Variants in CFAP54 observed in about 807,000 individuals in gnomAD.
CFAP54 encodes the protein cilia and flagella associated protein 54.
In CFAP54, 290 loss-of-function variants were observed where a neutral mutation model predicts 370.4. The ratio of observed to expected loss-of-function variants is 0.78; its 90% CI spans 0.71 to 0.86. The LOEUF (loss-of-function observed/expected upper bound fraction) is 0.86, where lower values mean the gene tolerates loss of function less well. CFAP54 is among the 40% of genes least tolerant of loss of function. CFAP54 has a pLI of 0.00. For missense variants in CFAP54, 3,399 were observed against 3,528.7 expected, an observed-to-expected ratio of 0.96 and a Z score of 0.93; for synonymous variants, 1,206 against 1,236.5, an observed-to-expected ratio of 0.98 and a Z score of 0.52.
At chr12:96,616,706 A>G (rs1421311750) in intron 26 of CFAP54, among the ~76,000 whole-genome samples, 3 of 152,218 alleles carry the variant, frequency 2.0e-5, no homozygotes, top group Non-Finnish European at 4.4e-5. Flanking sequence ...TTGATAAAAT[A>G]ATCAAATTTA....
chr12:96,625,634 A>G, intron 28 of CFAP54, 84 bp from the exon 29 acceptor site: 1 of 749,536 alleles, frequency 1.3e-6, no homozygotes, highest in South Asian at 2.2e-5. Context: ...TCTCTTTTAA[A>G]GAATTGTTAT....
intron 8 of CFAP54, among the ~76,000 whole-genome samples, chr12:96,523,875 A>G (rs1279625665): frequency 6.6e-6 from 1 of 152,032 alleles, no homozygotes; most frequent in African/African-American, 2.4e-5. Context: ...ACTAATTTGT[A>G]TCTGATTTCC....
chr12:96,790,694 A>T (rs1467767753), intron 62 of CFAP54, among the ~76,000 whole-genome samples: 1 of 152,156 alleles, frequency 6.6e-6, no homozygotes, highest in African/African-American at 2.4e-5. Flanking sequence ...ACTGCCTGAC[A>T]TAAAATTATT....
chr12:96,514,222 T>G (rs529354788), intron 5 of CFAP54, among the ~76,000 whole-genome samples: 7 of 152,202 alleles, frequency 4.6e-5, no homozygotes, highest in East Asian at 3.8e-4. Context: ...TCAGGAGAGA[T>G]ATGTTTTTTC....
At chr12:96,838,536 G>A (rs1458669235) in intron 66 of CFAP54, among the ~76,000 whole-genome samples, 1 of 152,076 alleles carries the variant, frequency 6.6e-6, no homozygotes, top group Non-Finnish European at 1.5e-5. Context: ...TCTTACATGT[G>A]GCAGGAGAGA....
chr12:96,849,389 GC>G (rs1183778189), intron 66 of CFAP54, among the ~76,000 whole-genome samples: 5 of 152,196 alleles, frequency 3.3e-5, no homozygotes, highest in Non-Finnish European at 7.4e-5. Flanking sequence ...TGATTAGTAA[GC>G]ATTTGGCTCC....
intron 4 of CFAP54, among the ~76,000 whole-genome samples, chr12:96,512,359 T>C: frequency 1.1e-5 from 1 of 91,018 alleles, no homozygotes; most frequent in East Asian, 3.9e-4. Flanking sequence ...ATGTATATAT[T>C]TGAGATGGAG....
chr12:96,784,652 A>T, intron 60 of CFAP54, 65 bp from the exon 61 acceptor site: 2 of 1,190,840 alleles, frequency 1.7e-6, no homozygotes. Flanking sequence ...TTTTCTGTTC[A>T]TGATTGTTTT....
intron 63 of CFAP54, among the ~76,000 whole-genome samples, chr12:96,793,518 G>A (rs1179002246): frequency 6.6e-6 from 1 of 152,094 alleles, no homozygotes. Context: ...ACGTTCGTGT[G>A]CAAGTATTTT....
intron 65 of CFAP54, among the ~76,000 whole-genome samples, chr12:96,825,951 A>G (rs1385873179): frequency 1.4e-5 from 2 of 142,130 alleles, no homozygotes; most frequent in Non-Finnish European, 3.0e-5. Context: ...ACATTAATAT[A>G]TAAATTAATA....
Position 96,507,045 on chromosome 12 carries a change from C to T in CFAP54, c.685C>T (p.Leu229Phe). 6.5e-7 allele frequency: 1 copy of T among 1,535,354 alleles called. No homozygotes were observed. Among genetic ancestry groups the T allele is most frequent in the Non-Finnish European group, 8.7e-7 (1 of 1,146,592 alleles). ...QCLHILSSLR[L>F]IMQVALPQEH... ...TCTGCATATCTTGTCCTCCTTAAGG[C>T]TCATCATGCAAGTGGCTCTGCCACA... The change falls in exon 4 of 68, where the codon CTC becomes TTC. Residue 229 changes from leucine to phenylalanine, a missense_variant. Coordinates refer to ENST00000524981, the MANE Select transcript of CFAP54 (RefSeq NM_001306084.2).
At chr12:96,654,210 G>GT (rs142173720) in intron 36 of CFAP54, among the ~76,000 whole-genome samples, 119,919 of 151,738 alleles carry the variant, frequency 0.79, 47,564 homozygotes, top group East Asian at 0.86. Context: ...ATTTTTATTT[G>GT]GAAAATTTAG....
chr12:96,777,444 G>T (rs1373440952), intron 60 of CFAP54, among the ~76,000 whole-genome samples: 1 of 151,806 alleles, frequency 6.6e-6, no homozygotes, highest in Admixed American at 6.6e-5. Flanking sequence ...CCGCCTCCCG[G>T]GTTCAAGTGA....
chr12:96,782,491 A>G (rs1295040098), intron 60 of CFAP54, among the ~76,000 whole-genome samples: 1 of 152,136 alleles, frequency 6.6e-6, no homozygotes, highest in Non-Finnish European at 1.5e-5. Context: ...TTTTAACAGA[A>G]AACGTATTTT....
intron 56 of CFAP54, among the ~76,000 whole-genome samples, chr12:96,755,723 A>T (rs1958248081): frequency 7.1e-6 from 1 of 141,418 alleles, no homozygotes; most frequent in South Asian, 2.2e-4. Flanking sequence ...GCTGGAGTGC[A>T]GTGGTGTGAT....
At chr12:96,598,912 A>G (rs1956208860) in intron 26 of CFAP54, 145 bp downstream of exon 26, 1 of 395,774 alleles carries the variant, frequency 2.5e-6, no homozygotes, top group Non-Finnish European at 4.5e-6. Context: ...GAGGCCAAAC[A>G]TTATAGAATA....
chr12:96,718,965 G>A (rs1055446240), intron 49 of CFAP54, among the ~76,000 whole-genome samples: 42 of 151,882 alleles, frequency 2.8e-4, no homozygotes, highest in Non-Finnish European at 1.3e-4. Context: ...TTGAACCCAG[G>A]AGGCAGAGGT....
chr12:96,618,677 A>G (rs909060509), intron 26 of CFAP54, among the ~76,000 whole-genome samples: 3 of 152,228 alleles, frequency 2.0e-5, no homozygotes, highest in South Asian at 2.1e-4. Flanking sequence ...TTGGACTTCC[A>G]ACCAGCATTT....
Position 96,756,491 on chromosome 12 carries a change from A to T in CFAP54, c.7874A>T (p.Lys2625Ile). ...GAACGTCAAATACTAATGGAAGAGA[A>T]ATCTCCAAGTTTTCAACTTGAGAGT... ...KIERQILMEEKSPSFQLESLY... is the reference protein window; with the variant it reads ...KIERQILMEEISPSFQLESLY... The change falls in exon 57 of 68, where the codon AAA (lysine) becomes ATA (isoleucine). Residue 2625 changes from lysine (K) to isoleucine (I), a missense_variant. Physicochemically the swap from Lys to Ile is moderately radical, Grantham distance 102 (BLOSUM62 -3). Coordinates refer to ENST00000524981, the MANE Select transcript of CFAP54 (RefSeq NM_001306084.2). The T allele has an allele frequency of 6.2e-7, 1 of 1,602,854 alleles. No individual in the cohort carries two copies. The highest frequency in any genetic ancestry group is 8.5e-7 in the Non-Finnish European group (1 of 1,176,404).
Sources: allele counts gnomAD v4.1 joint callset (sites outside exome capture counted in the v4.1 genomes callset), GRCh38; gene constraint gnomAD v4.1.1; transcripts MANE v1.5; gene names NCBI Gene and HGNC (gene_info 2026-07-23, HGNC 2026-07-21).